Variants in ATP8A1 observed in about 807,000 individuals in gnomAD.
ATP8A1 encodes ATPase phospholipid transporting 8A1.
A neutral mutation model predicts 177.7 loss-of-function variants in ATP8A1; 90 were observed. The observed-to-expected ratio is 0.51, with a 90% CI of 0.43 to 0.60. ATP8A1 has a LOEUF of 0.60. ATP8A1 is among the 20% of genes least tolerant of loss of function. ATP8A1 has a pLI of 0.00. For missense variants in ATP8A1, 1,072 were observed against 1,392.8 expected (o/e 0.77, Z 3.67); for synonymous variants, 493 against 485.9 (o/e 1.01, Z -0.19).
At chr4:42,523,253 GAAGA>G (rs1392789115) in intron 21 of ATP8A1, among the ~76,000 whole-genome samples, 1 of 152,138 alleles carries the variant, frequency 6.6e-6, no homozygotes, top group Non-Finnish European at 1.5e-5. Flanking sequence ...AGATGCATTG[GAAGA>G]AAGGAGAGGC....
At chr4:42,531,650 C>T (rs1727271742) in intron 20 of ATP8A1, among the ~76,000 whole-genome samples, 1 of 152,104 alleles carries the variant, frequency 6.6e-6, no homozygotes, top group Admixed American at 6.5e-5. Flanking sequence ...GATGACATAT[C>T]TTATATCTGC....
At chr4:42,455,735 T>G (rs549105258) in intron 27 of ATP8A1, 136 bp from the exon 28 acceptor site, 23 of 779,954 alleles carry the variant, frequency 2.9e-5, no homozygotes, top group Non-Finnish European at 4.6e-5. Flanking sequence ...AAAATGACAT[T>G]TCTTTGGTTT....
intron 24 of ATP8A1, among the ~76,000 whole-genome samples, chr4:42,492,498 C>T (rs1374767364): frequency 6.6e-6 from 1 of 152,062 alleles, no homozygotes; most frequent in Non-Finnish European, 1.5e-5. Context: ...GGATTAGGGT[C>T]CTTAAAGCAT....
intron 15 of ATP8A1, among the ~76,000 whole-genome samples, chr4:42,561,011 G>A (rs1046342915): frequency 6.6e-6 from 1 of 152,130 alleles, no homozygotes; most frequent in Non-Finnish European, 1.5e-5. Context: ...AGATAATGGA[G>A]CTATTAAGAT....
intron 14 of ATP8A1, among the ~76,000 whole-genome samples, chr4:42,571,167 AT>A (rs1421030374): frequency 6.6e-6 from 1 of 152,214 alleles, no homozygotes; most frequent in African/African-American, 2.4e-5. Context: ...TAGTATTATG[AT>A]AATCGTGAAA....
At chr4:42,481,130 C>T (rs902034157) in intron 25 of ATP8A1, among the ~76,000 whole-genome samples, 3 of 152,242 alleles carry the variant, frequency 2.0e-5, no homozygotes, top group Non-Finnish European at 4.4e-5. Context: ...AACATTCCCA[C>T]TCTCTTCTGG....
chr4:42,422,958 A>G, intron 34 of ATP8A1, 59 bp from the exon 35 acceptor site: 1 of 1,352,608 alleles, frequency 7.4e-7, no homozygotes, highest in South Asian at 1.2e-5. Flanking sequence ...ATTTTACAAA[A>G]CTAGATGTCT....
intron 33 of ATP8A1, among the ~76,000 whole-genome samples, chr4:42,427,102 T>C (rs1714713889): frequency 6.6e-6 from 1 of 152,164 alleles, no homozygotes; most frequent in South Asian, 2.1e-4. Flanking sequence ...TTATTAAGTG[T>C]CTGGACAAAG....
chr4:42,480,523 A>G (rs769175170), intron 25 of ATP8A1, among the ~76,000 whole-genome samples: 6 of 152,208 alleles, frequency 3.9e-5, no homozygotes, highest in Non-Finnish European at 8.8e-5. Flanking sequence ...TCCTTAAAGG[A>G]ATGTCTGTTG....
intron 18 of ATP8A1, 50 bp from the exon 19 acceptor site, chr4:42,549,112 C>G (rs776326379): frequency 6.9e-7 from 1 of 1,441,248 alleles, no homozygotes; most frequent in South Asian, 1.2e-5. Context: ...AAGTCTTAAG[C>G]TTCTAGGAAA....
At chr4:42,574,810 G>A in intron 13 of ATP8A1, 103 bp from the exon 14 acceptor site, 1 of 711,382 alleles carries the variant, frequency 1.4e-6, no homozygotes, top group Non-Finnish European at 2.3e-6. Flanking sequence ...GGGGCACAAT[G>A]AATATTACTA....
At chr4:42,501,358 T>C (rs1051864736) in intron 24 of ATP8A1, among the ~76,000 whole-genome samples, 5 of 152,226 alleles carry the variant, frequency 3.3e-5, no homozygotes, top group East Asian at 3.9e-4. Flanking sequence ...ACATTCTCCT[T>C]ACTTTGTAGG....
At chr4:42,597,371 G>C (rs1048846888) in intron 6 of ATP8A1, among the ~76,000 whole-genome samples, 3 of 152,116 alleles carry the variant, frequency 2.0e-5, no homozygotes, top group African/African-American at 7.2e-5. Context: ...GTGCCTGTTC[G>C]CTTGTTCAAT....
chr4:42,550,274 C>A (rs997671331), intron 18 of ATP8A1, among the ~76,000 whole-genome samples: 7 of 148,796 alleles, frequency 4.7e-5, no homozygotes, highest in African/African-American at 1.7e-4. Context: ...GTTGATGAAT[C>A]AATAACTCAT....
chr4:42,608,366 T>G (rs538338773), intron 5 of ATP8A1, among the ~76,000 whole-genome samples: 140 of 151,416 alleles, frequency 9.2e-4, no homozygotes, highest in African/African-American at 3.3e-3. Flanking sequence ...TAATATCATT[T>G]TTTTTTTTTT....
At chr4:42,493,254 A>G (rs1578043636) in intron 24 of ATP8A1, among the ~76,000 whole-genome samples, 1 of 152,376 alleles carries the variant, frequency 6.6e-6, no homozygotes, top group Non-Finnish European at 1.5e-5. Flanking sequence ...CCTATGGCTC[A>G]GAACTCCAGG....
chr4:42,445,203 G>A (rs1717078608), intron 31 of ATP8A1, among the ~76,000 whole-genome samples: 1 of 152,164 alleles, frequency 6.6e-6, no homozygotes, highest in African/African-American at 2.4e-5. Context: ...AAGGAAACTG[G>A]GGTTGGATTA....
intron 27 of ATP8A1, among the ~76,000 whole-genome samples, chr4:42,458,526 T>C (rs987751005): frequency 1.3e-5 from 2 of 152,156 alleles, no homozygotes; most frequent in African/African-American, 4.8e-5. Flanking sequence ...AAGGAGCCAA[T>C]AATTTAAATG....
At chr4:42,624,462 T>G (rs1737823802) in intron 4 of ATP8A1, 74 bp downstream of exon 4, 1 of 799,634 alleles carries the variant, frequency 1.3e-6, no homozygotes, top group Non-Finnish European at 1.9e-6. Flanking sequence ...TTAAATAATT[T>G]AAGAAAAAAC....
Sources: gnomAD v4.1 joint callset for allele counts (sites outside exome capture counted in the v4.1 genomes callset) on GRCh38, gnomAD v4.1.1 for gene constraint, MANE v1.5 for transcripts, NCBI Gene and HGNC (gene_info 2026-07-23, HGNC 2026-07-21) for gene names.